SORT1: variants seen among roughly 807,000 people sequenced by gnomAD.
SORT1 encodes sortilin 1.
A neutral mutation model predicts 101.7 loss-of-function variants in SORT1; 39 were observed. The observed-to-expected ratio is 0.38, with a 90% confidence interval of 0.30 to 0.50. The LOEUF (loss-of-function observed/expected upper bound fraction) is 0.50. Ranked by LOEUF, SORT1 falls within the 20% of genes least tolerant of loss-of-function variation. SORT1 has a pLI of 0.90. For missense variants in SORT1, 878 were observed against 1,040.4 expected (o/e 0.84, Z 2.15); for synonymous variants, 396 against 393.7 (o/e 1.01, Z -0.07).
At chr1:109,371,797 G>A (rs1184104894) in intron 1 of SORT1, among the ~76,000 whole-genome samples, 1 of 152,078 alleles carries the variant, frequency 6.6e-6, no homozygotes, top group South Asian at 2.1e-4. Context: ...GCAAAACTGT[G>A]GTTTTCTACT....
intron 14 of SORT1, 97 bp downstream of exon 14, chr1:109,324,802 A>T: frequency 1.3e-6 from 1 of 788,154 alleles, no homozygotes; most frequent in Non-Finnish European, 2.1e-6. Flanking sequence ...ATGCATATGC[A>T]TCTGCTGATT....
chr1:109,384,794 C>T (rs972235591), intron 1 of SORT1, among the ~76,000 whole-genome samples: 14 of 152,158 alleles, frequency 9.2e-5, no homozygotes, highest in Middle Eastern at 3.4e-3. Flanking sequence ...AGAAATAGGA[C>T]CAGGCCAGGC....
In SORT1 at chr1:109,314,724, C is replaced by T. The variant is rs1484495901; in HGVS notation, c.2305G>A (p.Val769Ile). 6.2e-7 allele frequency: 1 copy of T among 1,612,146 alleles called. No homozygotes were observed. Reference sequence around the variant, plus strand: ...ATGAGCACTCCTGCTACGACTGTGACCAGCATCAATCCCACGATGGCCAGG... The same window carrying T: ...ATGAGCACTCCTGCTACGACTGTGATCAGCATCAATCCCACGATGGCCAGG... ...IILAIVGLML[V>I]TVVAGVLIVK... The change falls in exon 18 of 20, where the codon GTC (valine) becomes ATC (isoleucine). Residue 769 changes from valine (V) to isoleucine (I), a missense_variant. Coordinates refer to ENST00000256637, the MANE Select transcript of SORT1 (RefSeq NM_002959.7).
chr1:109,383,208 C>T lies in SORT1; in HGVS notation c.307-13619G>A, dbSNP rs374711892. Reference sequence around the variant, plus strand: ...TCAGTTTTCCCAAGGCAAGGCCCAGCTTAAAAGCCACTTGCTGATGGCCTG... The same window carrying T: ...TCAGTTTTCCCAAGGCAAGGCCCAGTTTAAAAGCCACTTGCTGATGGCCTG... On this transcript the variant is annotated intron_variant, in intron 1 of 19. Transcript: ENST00000256637. Among the ~76,000 whole-genome samples, 8 of 152,206 alleles carry T rather than the reference C, an allele frequency of 5.3e-5. No individual in the cohort carries two copies. The East Asian group carries it at 1.3e-3, about 26-fold the overall frequency.
At chr1:109,393,049 A>G in intron 1 of SORT1, 1 of 985,352 alleles carries the variant, frequency 1.0e-6, no homozygotes, top group Non-Finnish European at 1.2e-6. Context: ...GGGTGTTACA[A>G]AGGTCTGGCG....
chr1:109,362,471 G>T (rs957260137), intron 3 of SORT1, among the ~76,000 whole-genome samples: 1 of 152,112 alleles, frequency 6.6e-6, no homozygotes, highest in African/African-American at 2.4e-5. Flanking sequence ...ATATTGGCAA[G>T]ATTTGAATTC....
At chr1:109,373,604 T>C (rs1310478770) in intron 1 of SORT1, among the ~76,000 whole-genome samples, 3 of 152,142 alleles carry the variant, frequency 2.0e-5, no homozygotes, top group Admixed American at 6.6e-5. Context: ...TTTACCTCTG[T>C]GGTAAAGAAA....
chr1:109,363,516 C>T (rs2101618494), intron 3 of SORT1, among the ~76,000 whole-genome samples: 1 of 152,228 alleles, frequency 6.6e-6, no homozygotes, highest in East Asian at 1.9e-4. Context: ...CATACATACA[C>T]ATACATATAA....
intron 7 of SORT1, 42 bp from the exon 8 acceptor site, chr1:109,345,923 T>C (rs1649555440): frequency 6.4e-7 from 1 of 1,564,718 alleles, no homozygotes; most frequent in South Asian, 1.1e-5. Flanking sequence ...CACTTACTGG[T>C]GAGCCTAGTT....
At chr1:109,390,883 A>G (rs1652879373) in intron 1 of SORT1, among the ~76,000 whole-genome samples, 1 of 152,084 alleles carries the variant, frequency 6.6e-6, no homozygotes. Flanking sequence ...TAAGCCAGAG[A>G]AGGAACATAC....
At chr1:109,320,177 T>G (rs1171669825) in intron 15 of SORT1, among the ~76,000 whole-genome samples, 16 of 152,178 alleles carry the variant, frequency 1.1e-4, no homozygotes, top group Non-Finnish European at 1.2e-4. Context: ...TCTCCCTTAG[T>G]GATCACAACT....
At chr1:109,355,649 C>A (rs896005480) in intron 3 of SORT1, among the ~76,000 whole-genome samples, 180 bp from the exon 4 acceptor site, 1 of 134,750 alleles carries the variant, frequency 7.4e-6, no homozygotes, top group African/African-American at 2.6e-5. Context: ...CCACCCGCCC[C>A]CCCCCCCACA....
At chr1:109,343,289 C>T (rs374848702) in intron 8 of SORT1, among the ~76,000 whole-genome samples, 4 of 152,286 alleles carry the variant, frequency 2.6e-5, no homozygotes, top group African/African-American at 7.2e-5. Flanking sequence ...TCACTCCAAT[C>T]GGCCTTTTAA....
At chr1:109,366,438 A>C (rs974157773) in intron 3 of SORT1, among the ~76,000 whole-genome samples, 2 of 152,246 alleles carry the variant, frequency 1.3e-5, no homozygotes, top group African/African-American at 4.8e-5. Context: ...CACACTAAAT[A>C]GAAAGACTTT....
chr1:109,338,922 G>C (rs1033888310), intron 10 of SORT1, among the ~76,000 whole-genome samples: 2 of 151,536 alleles, frequency 1.3e-5, no homozygotes, highest in African/African-American at 4.9e-5. Context: ...CTGTTGCCCA[G>C]GCTGGAGTGC....
At chr1:109,347,640 C>A (rs1649688940) in intron 6 of SORT1, 108 bp from the exon 7 acceptor site, 1 of 718,730 alleles carries the variant, frequency 1.4e-6, no homozygotes, top group Non-Finnish European at 2.5e-6. Flanking sequence ...CATTCACAGG[C>A]ACTGACAAGC....
intron 15 of SORT1, among the ~76,000 whole-genome samples, chr1:109,319,648 C>T (rs957993072): frequency 6.6e-6 from 1 of 152,060 alleles, no homozygotes; most frequent in African/African-American, 2.4e-5. Flanking sequence ...GGCGGATTAC[C>T]TGAAGTCAAG....
intron 1 of SORT1, among the ~76,000 whole-genome samples, chr1:109,374,628 T>C (rs1403250872): frequency 6.6e-6 from 1 of 151,586 alleles, no homozygotes; most frequent in East Asian, 1.9e-4. Flanking sequence ...AGACTTAAAT[T>C]AGACTTGTAG....
chr1:109,350,588 G>T (rs1278664), intron 6 of SORT1, among the ~76,000 whole-genome samples: 28,733 of 152,200 alleles, frequency 0.19, 2,870 homozygotes, highest in Middle Eastern at 0.23. Context: ...TCTGGGCATG[G>T]AGAAGTATTT....
Sources: gnomAD v4.1 joint callset for allele counts (sites outside exome capture counted in the v4.1 genomes callset) on GRCh38, gnomAD v4.1.1 for gene constraint, MANE v1.5 for transcripts, NCBI Gene and HGNC (gene_info 2026-07-23, HGNC 2026-07-21) for gene names.